ADGRB3: variants seen among roughly 807,000 people sequenced by gnomAD.
The protein encoded by ADGRB3 is brain-specific angiogenesis inhibitor 3.
ADGRB3 carries 37 observed loss-of-function variants against 193.4 expected under a neutral mutation model. The observed-to-expected ratio is 0.19, with a 90% CI of 0.15 to 0.25. The LOEUF (loss-of-function observed/expected upper bound fraction) is 0.25. Ranked by LOEUF, ADGRB3 falls within the 10% of genes least tolerant of loss-of-function variation. ADGRB3 has a pLI of 1.00. For missense variants in ADGRB3, 1,637 were observed against 1,852.9 expected (o/e 0.88, Z 2.14); for synonymous variants, 690 against 644.2 (o/e 1.07, Z -1.08).
chr6:68,749,451 A>C (rs956846089), intron 3 of ADGRB3, among the ~76,000 whole-genome samples: 1 of 105,058 alleles, frequency 9.5e-6, no homozygotes, highest in African/African-American at 3.6e-5. Context: ...TGTGTGTATA[A>C]TTAATTCTGT....
chr6:69,339,138 A>C (rs1483410059), intron 25 of ADGRB3, 124 bp downstream of exon 25: 28 of 1,157,566 alleles, frequency 2.4e-5, no homozygotes, highest in Non-Finnish European at 3.5e-5. Context: ...AATATTTATA[A>C]TTGGCAACTG....
At chr6:69,075,636 C>A (rs952198579) in intron 16 of ADGRB3, among the ~76,000 whole-genome samples, 1 of 152,034 alleles carries the variant, frequency 6.6e-6, no homozygotes, top group African/African-American at 2.4e-5. Flanking sequence ...ATTGTGAATA[C>A]TGTAATCTTA....
At chr6:69,081,734 A>G (rs1220475676) in intron 17 of ADGRB3, among the ~76,000 whole-genome samples, 1 of 152,086 alleles carries the variant, frequency 6.6e-6, no homozygotes, top group East Asian at 1.9e-4. Flanking sequence ...TTATGATTTT[A>G]AATCTTAAAT....
intron 6 of ADGRB3, among the ~76,000 whole-genome samples, chr6:68,955,043 C>G (rs1168816871): frequency 6.6e-6 from 1 of 151,882 alleles, no homozygotes; most frequent in Non-Finnish European, 1.5e-5. Flanking sequence ...AATCTAGCCT[C>G]TCTCTTTTTT....
chr6:69,101,762 C>T (rs530128331), intron 17 of ADGRB3, among the ~76,000 whole-genome samples: 24 of 151,846 alleles, frequency 1.6e-4, no homozygotes, highest in Admixed American at 9.9e-4. Flanking sequence ...TAGTATCATC[C>T]CTGTTTTACA....
chr6:69,293,650 C>T (rs1469745847), intron 20 of ADGRB3, among the ~76,000 whole-genome samples: 1 of 152,118 alleles, frequency 6.6e-6, no homozygotes, highest in African/African-American at 2.4e-5. Flanking sequence ...TCTTACATTC[C>T]AAGCCCTAGC....
intron 3 of ADGRB3, among the ~76,000 whole-genome samples, chr6:68,880,451 T>C (rs769660416): frequency 5.3e-5 from 8 of 152,234 alleles, no homozygotes; most frequent in Non-Finnish European, 1.0e-4. Flanking sequence ...AAACTTCTTT[T>C]GCAATAAGTT....
chr6:69,094,292 A>C (rs1772803064), intron 17 of ADGRB3, among the ~76,000 whole-genome samples: 1 of 152,234 alleles, frequency 6.6e-6, no homozygotes, highest in Admixed American at 6.5e-5. Flanking sequence ...GTGCATTTTG[A>C]TTAAACTTCC....
At chr6:69,261,170 A>G (rs1009893698) in intron 20 of ADGRB3, among the ~76,000 whole-genome samples, 1 of 152,190 alleles carries the variant, frequency 6.6e-6, no homozygotes, top group African/African-American at 2.4e-5. Context: ...AGGCTAATCT[A>G]TAGCTGCGGC....
chr6:69,327,081 G>A (rs149444064), intron 21 of ADGRB3, among the ~76,000 whole-genome samples: 2 of 152,084 alleles, frequency 1.3e-5, no homozygotes, highest in African/African-American at 2.4e-5. Context: ...AAAATGATTA[G>A]ATGACGGATT....
At chr6:68,768,276 C>T (rs908648455) in intron 3 of ADGRB3, among the ~76,000 whole-genome samples, 2 of 152,110 alleles carry the variant, frequency 1.3e-5, no homozygotes, top group Non-Finnish European at 2.9e-5. Context: ...CATCACGCAA[C>T]CTGACTTCAA....
At chr6:69,031,295 C>T (rs1383292733) in intron 13 of ADGRB3, among the ~76,000 whole-genome samples, 8 of 151,284 alleles carry the variant, frequency 5.3e-5, no homozygotes, top group African/African-American at 1.9e-4. Context: ...AAAAATTTAA[C>T]CGGGCGCAGT....
intron 3 of ADGRB3, among the ~76,000 whole-genome samples, chr6:68,645,117 C>T (rs1309016681): frequency 6.6e-6 from 1 of 151,962 alleles, no homozygotes; most frequent in Non-Finnish European, 1.5e-5. Flanking sequence ...TAAAAGCAGT[C>T]CGGCCCTTGG....
intron 17 of ADGRB3, among the ~76,000 whole-genome samples, chr6:69,206,009 A>T (rs2150359434): frequency 7.1e-6 from 1 of 140,564 alleles, no homozygotes; most frequent in South Asian, 2.3e-4. Context: ...AACTAATTAA[A>T]ATATATATAG....
chr6:68,765,989 A>C (rs1373607799), intron 3 of ADGRB3, among the ~76,000 whole-genome samples: 3 of 151,992 alleles, frequency 2.0e-5, no homozygotes, highest in Non-Finnish European at 4.4e-5. Context: ...TAGCTTGTCT[A>C]TTCTAAAATC....
chr6:68,986,669 A>G (rs1045085221), intron 10 of ADGRB3, among the ~76,000 whole-genome samples: 9 of 152,168 alleles, frequency 5.9e-5, no homozygotes, highest in African/African-American at 2.2e-4. Flanking sequence ...TAAAAGATGT[A>G]TATTTAGATT....
intron 3 of ADGRB3, among the ~76,000 whole-genome samples, chr6:68,735,653 C>A (rs1280556121): frequency 6.6e-6 from 1 of 151,940 alleles, no homozygotes; most frequent in Non-Finnish European, 1.5e-5. Flanking sequence ...GAGGAAAATG[C>A]TTTTAAACTG....
At chr6:68,997,367 G>A (rs2150276909) in intron 11 of ADGRB3, among the ~76,000 whole-genome samples, 1 of 151,912 alleles carries the variant, frequency 6.6e-6, no homozygotes, top group East Asian at 1.9e-4. Flanking sequence ...ATTAAACCAG[G>A]CGCAGTGGCT....
intron 17 of ADGRB3, chr6:69,232,576 T>G: frequency 6.5e-7 from 1 of 1,535,654 alleles, no homozygotes; most frequent in Non-Finnish European, 8.7e-7. Flanking sequence ...GAAAGAAATG[T>G]CAAGGACGTC....
Sources: allele counts gnomAD v4.1 joint callset (sites outside exome capture counted in the v4.1 genomes callset), GRCh38; gene constraint gnomAD v4.1.1; transcripts MANE v1.5; gene names NCBI Gene and HGNC (gene_info 2026-07-23, HGNC 2026-07-21).